PIGL: variants seen among roughly 807,000 people sequenced by gnomAD.
PIGL encodes phosphatidylinositol glycan anchor biosynthesis class L.
Under a neutral mutation model 31.1 loss-of-function variants are expected in PIGL, and 22 were observed. That is an observed-to-expected ratio of 0.71 (90% CI 0.51 to 1.01). The LOEUF is 1.01. Among genes scored for constraint, PIGL ranks in the 50% least tolerant of loss-of-function variants. The pLI is 0.00. For missense variants in PIGL, 302 were observed against 315.9 expected, an observed-to-expected ratio of 0.96 and a Z score of 0.33; for synonymous variants, 131 against 117.4, an observed-to-expected ratio of 1.12 and a Z score of -0.75.
chr17:16,246,563 G>T (rs1264685630), intron 2 of PIGL, among the ~76,000 whole-genome samples: 2 of 151,442 alleles, frequency 1.3e-5, no homozygotes, highest in African/African-American at 2.4e-5. Flanking sequence ...CAAGAAAAAT[G>T]CATCTTAGTC....
intron 2 of PIGL, among the ~76,000 whole-genome samples, chr17:16,249,044 A>G (rs1223561358): frequency 6.6e-6 from 1 of 152,178 alleles, no homozygotes; most frequent in African/African-American, 2.4e-5. Flanking sequence ...CCCCACATTT[A>G]TGGATTTATA....
chr17:16,269,866 G>A (rs1430503610), intron 2 of PIGL, among the ~76,000 whole-genome samples: 1 of 151,844 alleles, frequency 6.6e-6, no homozygotes, highest in Non-Finnish European at 1.5e-5. Context: ...TTTTTTTTAA[G>A]AATGAGTCAT....
At position 16,326,135 on chromosome 17, in the gene PIGL, A is replaced by C; in HGVS notation, c.*237A>C. The stretch of plus-strand genomic sequence containing the variant: ...CAAGGATAATAATAGCTACACTGCT[A>C]GCTTCTCAAGTTCTTGTGAAAAACA... On this transcript the variant is annotated 3_prime_UTR_variant, in exon 7 of 7. Transcript: ENST00000225609. 2 of 493,830 alleles carry C rather than the reference A, an allele frequency of 4.0e-6. No individual in the cohort carries two copies. The highest frequency in any genetic ancestry group is 7.2e-6 in the Non-Finnish European group (2 of 279,354). 30.6% of individuals were successfully genotyped at this position (493,830 alleles called of 1,614,324 possible).
chr17:16,277,221 G>A (rs992915254), intron 2 of PIGL, among the ~76,000 whole-genome samples: 6 of 152,210 alleles, frequency 3.9e-5, no homozygotes, highest in Non-Finnish European at 8.8e-5. Flanking sequence ...TTAAAGGAAA[G>A]AGTGTCATTC....
At chr17:16,253,034 A>G (rs1292648117) in intron 2 of PIGL, among the ~76,000 whole-genome samples, 1 of 152,202 alleles carries the variant, frequency 6.6e-6, no homozygotes, top group Non-Finnish European at 1.5e-5. Context: ...CCTGACCAAC[A>G]TAGAGAAACC....
At chr17:16,320,202 AAAGGAAG>A (rs2093097206) in intron 6 of PIGL, among the ~76,000 whole-genome samples, 2 of 63,272 alleles carry the variant, frequency 3.2e-5, no homozygotes, top group Admixed American at 2.1e-4. Context: ...GAGAGAAAGA[AAAGGAAG>A]GAAGGAAGGA....
At chr17:16,225,150 GTCCATTAA>G (rs1568776491) in intron 1 of PIGL, among the ~76,000 whole-genome samples, 1 of 152,102 alleles carries the variant, frequency 6.6e-6, no homozygotes, top group Non-Finnish European at 1.5e-5. Flanking sequence ...ATGTCATTGT[GTCCATTAA>G]TCTGTTCTTA....
chr17:16,234,045 T>G lies in PIGL; in HGVS notation c.310T>G (p.Ser104Ala), dbSNP rs200441784. The G allele has an allele frequency of 1.1e-5, 18 of 1,589,226 alleles. No homozygotes were observed. Among genetic ancestry groups the G allele is most frequent in the Non-Finnish European group, 1.3e-5 (15 of 1,157,416 alleles). The change falls in exon 2 of 7, where the codon TCC becomes GCC. Residue 104 changes from serine to alanine, a missense_variant. Physicochemically the swap from Ser to Ala is moderately conservative, Grantham distance 99. Transcript: ENST00000225609. ...QSCDVLGIPL[S>A]SVMIIDNRDF... is the part of the protein sequence containing the mutation. Reference sequence around the variant, plus strand: ...CTGTGATGTTTTGGGGATTCCACTCTCCAGTGTAATGATTATTGACAACAG... The same window carrying G: ...CTGTGATGTTTTGGGGATTCCACTCGCCAGTGTAATGATTATTGACAACAG...
At chr17:16,319,611 C>T (rs192631062) in intron 6 of PIGL, among the ~76,000 whole-genome samples, 4 of 152,070 alleles carry the variant, frequency 2.6e-5, no homozygotes, top group East Asian at 3.9e-4. Context: ...AAAAAGTAGC[C>T]GGGCGTGGTG....
chr17:16,224,945 A>T (rs1248055811), intron 1 of PIGL, among the ~76,000 whole-genome samples: 1 of 152,164 alleles, frequency 6.6e-6, no homozygotes, highest in African/African-American at 2.4e-5. Flanking sequence ...CGTGAGCCAC[A>T]GTGCGTGGCC....
At chr17:16,283,817 A>T (rs1348716721) in intron 2 of PIGL, among the ~76,000 whole-genome samples, 1 of 152,236 alleles carries the variant, frequency 6.6e-6, no homozygotes, top group African/African-American at 2.4e-5. Flanking sequence ...GAACCCACTT[A>T]ACTTCAATCA....
chr17:16,268,478 C>T (rs1044713651), intron 2 of PIGL, among the ~76,000 whole-genome samples: 4 of 152,106 alleles, frequency 2.6e-5, no homozygotes, highest in African/African-American at 7.2e-5. Context: ...GATGAAGTCT[C>T]GCTCTTGTTG....
chr17:16,261,818 G>A (rs2092820568), intron 2 of PIGL, among the ~76,000 whole-genome samples: 1 of 151,916 alleles, frequency 6.6e-6, no homozygotes, highest in African/African-American at 2.4e-5. Context: ...TGCCCAGGCT[G>A]GTCTCGACCT....
intron 2 of PIGL, among the ~76,000 whole-genome samples, chr17:16,291,378 G>A (rs1427706048): frequency 2.0e-5 from 3 of 150,050 alleles, no homozygotes; most frequent in Non-Finnish European, 4.4e-5. Context: ...GTGGTGGCGG[G>A]CACCTGTAGT....
At chr17:16,291,801 G>T (rs1217319490) in intron 2 of PIGL, among the ~76,000 whole-genome samples, 3 of 148,808 alleles carry the variant, frequency 2.0e-5, no homozygotes, top group Non-Finnish European at 1.5e-5. Context: ...GGAGGCGGAG[G>T]TTGCAGTGAG....
chr17:16,257,357 C>T (rs2092798373), intron 2 of PIGL, among the ~76,000 whole-genome samples: 2 of 152,026 alleles, frequency 1.3e-5, no homozygotes, highest in South Asian at 4.1e-4. Flanking sequence ...GCGGAGGTTG[C>T]AGTGAGTTGA....
chr17:16,312,289 CG>C (rs2142861620), intron 3 of PIGL: 1 of 146,736 alleles, frequency 6.8e-6, no homozygotes, highest in African/African-American at 2.8e-5. Flanking sequence ...ACGGGGGTCG[CG>C]GCCGGGCAGA....
intron 2 of PIGL, among the ~76,000 whole-genome samples, chr17:16,245,793 TAC>T (rs202157751): frequency 2.9e-5 from 4 of 138,018 alleles, no homozygotes; most frequent in African/African-American, 1.1e-4. Context: ...TATATATATA[TAC>T]ACACACACAC....
chr17:16,220,837 C>T (rs983270027), intron 1 of PIGL, among the ~76,000 whole-genome samples: 4 of 151,996 alleles, frequency 2.6e-5, no homozygotes, highest in South Asian at 2.1e-4. Context: ...TTCACCATGG[C>T]GGCCAAACTG....
Sources: allele counts gnomAD v4.1 joint callset (sites outside exome capture counted in the v4.1 genomes callset), GRCh38; gene constraint gnomAD v4.1.1; transcripts MANE v1.5; gene names NCBI Gene and HGNC (gene_info 2026-07-23, HGNC 2026-07-21).